Variants in HMCN2 observed in about 807,000 individuals in gnomAD.
HMCN2 encodes hemicentin 2, also known as hemicentin-2.
In HMCN2, 325 loss-of-function variants were observed where a neutral mutation model predicts 377.5. The observed-to-expected ratio is 0.86, with a 90% confidence interval of 0.79 to 0.94. The LOEUF (loss-of-function observed/expected upper bound fraction) is 0.94, where lower values mean the gene tolerates loss of function less well. HMCN2 is among the 40% of genes least tolerant of loss of function. HMCN2 has a pLI of 0.00. For synonymous variants in HMCN2, 2,007 were observed against 2,046.8 expected, an observed-to-expected ratio of 0.98 and a Z score of 0.53; for missense variants, 4,543 against 4,725.3, an observed-to-expected ratio of 0.96 and a Z score of 1.13.
chr9:130,393,693 G>T lies in HMCN2; in HGVS notation c.10235-49G>T. The T allele has an allele frequency of 1.7e-6, 2 of 1,204,044 alleles. No individual in the cohort carries two copies. The highest frequency in any genetic ancestry group is 2.1e-6 in the Non-Finnish European group (2 of 948,192). The allele number at this position is 1,204,044 out of a possible 1,614,324, so 74.6% of individuals were successfully genotyped here. On this transcript the variant is annotated intron_variant, in intron 67 of 97. Coordinates refer to ENST00000683500, the MANE Select transcript of HMCN2 (RefSeq NM_001291815.2). The surrounding 1 kb of genome is among the most constrained non-coding windows in gnomAD (Gnocchi z 5.2). ...GATGTCTAAGCTGAGTACTGGAGAT[G>T]AGAGTCCTGGAATAAAATGGTTCCT...
Position 130,433,670 on chromosome 9 carries a change from G to T in HMCN2, c.15217G>T (p.Ala5073Ser). Reference protein sequence around the residue: ...RHQSVFVLLIAVSPYPY With the variant: ...RHQSVFVLLISVSPYPY ...CCAAAGCGTCTTCGTCTTGCTCATCGCCGTGTCCCCCTACCCCTACTAAAC... is the reference window on the plus strand; with the variant it reads ...CCAAAGCGTCTTCGTCTTGCTCATCTCCGTGTCCCCCTACCCCTACTAAAC... Residue 5073 changes from alanine to serine, a missense_variant, in exon 98 of 98, where the codon GCC becomes TCC. Ala to Ser is a moderately conservative substitution (Grantham distance 99). Transcript: ENST00000683500. 6.6e-7 allele frequency: 1 copy of T among 1,508,194 alleles called. No homozygotes were observed. Among genetic ancestry groups the T allele is most frequent in the Non-Finnish European group, 8.8e-7 (1 of 1,130,204 alleles). 93.4% of individuals were successfully genotyped at this position (1,508,194 alleles called of 1,614,324 possible). A position where few individuals can be genotyped will look rare whatever the true frequency, so the allele number is the denominator to read the frequency against.
intron 23 of HMCN2, among the ~76,000 whole-genome samples, chr9:130,338,986 C>G (rs902538615): frequency 6.6e-6 from 1 of 152,100 alleles, no homozygotes; most frequent in African/African-American, 2.4e-5. Context: ...CCCAGAAGTT[C>G]GAGACCAGCC....
At position 130,394,939 on chromosome 9, in the gene HMCN2, TG is replaced by T; in HGVS notation, c.10693-85del. ...ACCTCGCAGGGCTGAGTTTGAATCC[TG>T]GGTCCCTCGATGCATGAGAAAGAAA... On this transcript the variant is annotated intron_variant, in intron 69 of 97. Coordinates refer to ENST00000683500, the MANE Select transcript of HMCN2 (RefSeq NM_001291815.2). This position sits in a 1 kb window ranked among gnomAD's most constrained non-coding sequence, Gnocchi z 5.1. 1.2e-6 allele frequency: 1 copy of T among 856,312 alleles called. No homozygotes were observed. The highest frequency in any genetic ancestry group is 1.6e-6 in the Non-Finnish European group (1 of 621,206). The allele number at this position is 856,312 out of a possible 1,614,324, so 53.0% of individuals were successfully genotyped here.
chr9:130,397,583 G>A lies in HMCN2; in HGVS notation c.11254G>A (p.Ala3752Thr), dbSNP rs1047400958. 33 of 1,289,690 alleles carry A rather than the reference G, an allele frequency of 2.6e-5. No individual in the cohort carries two copies. Among genetic ancestry groups the A allele is most frequent in the African/African-American group, 7.6e-5 (5 of 65,856 alleles). 79.9% of individuals were successfully genotyped at this position (1,289,690 alleles called of 1,614,324 possible). A position where few individuals can be genotyped will look rare whatever the true frequency, so the allele number is the denominator to read the frequency against. The change falls in exon 74 of 98, where the codon GCC becomes ACC. Residue 3752 changes from alanine to threonine, a missense_variant. Transcript: ENST00000683500. ...LRIQPVLAQDAGHYLCLASNS... is the reference protein window; with the variant it reads ...LRIQPVLAQDTGHYLCLASNS... ...AATCCAGCCAGTCCTTGCCCAGGAC[G>A]CCGGCCACTACCTCTGCCTGGCATC... is the stretch of plus-strand genomic sequence containing the variant.
intron 45 of HMCN2, among the ~76,000 whole-genome samples, chr9:130,370,508 C>T (rs1840958551): frequency 6.6e-6 from 1 of 152,188 alleles, no homozygotes; most frequent in Admixed American, 6.5e-5. Context: ...CCAGATATCC[C>T]CAACACCCCC....
rs1209525537 is a variant in HMCN2 at position 130,303,082 on chromosome 9, G to A, written c.1421+81G>A. The A allele has an allele frequency of 2.7e-6, 1 of 371,598 alleles. No homozygotes were observed. Among genetic ancestry groups the A allele is most frequent in the African/African-American group, 2.1e-5 (1 of 47,540 alleles). The allele number at this position is 371,598 out of a possible 1,614,324, so 23.0% of individuals were successfully genotyped here. On this transcript the variant is annotated intron_variant, in intron 9 of 97. Coordinates refer to ENST00000683500, the MANE Select transcript of HMCN2 (RefSeq NM_001291815.2). This position sits in a 1 kb window ranked among gnomAD's most constrained non-coding sequence, Gnocchi z 5.2. ...GCCCTGGAGGGATCTCAGGGGAGTG[G>A]GTGGCAGGAGAGAGACCTTGGTCTC...
Position 130,330,611 on chromosome 9 carries a change from A to G in HMCN2, c.3359+3136A>G, listed in dbSNP as rs1009093644. On this transcript the variant is annotated intron_variant, in intron 22 of 97. Coordinates refer to ENST00000683500, the MANE Select transcript of HMCN2 (RefSeq NM_001291815.2). ...CTCCTAGGTATCTTCGACCCCCCCAAGTCAGCAAGTGCTCACAGAGGAAGC... is the reference window on the plus strand; with the variant it reads ...CTCCTAGGTATCTTCGACCCCCCCAGGTCAGCAAGTGCTCACAGAGGAAGC... Among the ~76,000 whole-genome samples the G allele has an allele frequency of 6.7e-4, 102 of 152,156 alleles. 1 individual carries two copies. Among genetic ancestry groups the G allele is most frequent in the African/African-American group, 2.2e-3 (91 of 41,512 alleles).
In HMCN2 at chr9:130,422,644, A is replaced by G. The variant is rs1844084968; in HGVS notation, c.13299A>G (p.Thr4433=). 3.8e-6 allele frequency: 5 copies of G among 1,328,028 alleles called. No homozygotes were observed. The South Asian group carries it at 6.6e-5, about 18-fold the overall frequency. 82.3% of individuals were successfully genotyped at this position (1,328,028 alleles called of 1,614,324 possible). Residue 4433 remains threonine (T), a synonymous_variant, in exon 87 of 98, where the codon ACA becomes ACG. Coordinates refer to ENST00000683500, the MANE Select transcript of HMCN2 (RefSeq NM_001291815.2). This position sits in a 1 kb window ranked among gnomAD's most constrained non-coding sequence, Gnocchi z 4.2. ...VINGRKFGVA[T]LNTSVMQEAH... ...ATGGCCGGAAATTTGGCGTGGCCAC[A>G]CTCAACACCAGCGTGATGCAGGAGG...
At chr9:130,397,489 T>A in intron 73 of HMCN2, 39 bp from the exon 74 acceptor site, 1 of 1,287,424 alleles carries the variant, frequency 7.8e-7, no homozygotes, top group Non-Finnish European at 1.0e-6. Flanking sequence ...CAGACCCCAC[T>A]GGCTTGCTCA....
chr9:130,392,804 G>C (rs553938588), intron 66 of HMCN2, among the ~76,000 whole-genome samples: 1 of 152,066 alleles, frequency 6.6e-6, no homozygotes, highest in Admixed American at 6.6e-5. Flanking sequence ...AGACCATCCT[G>C]GCTAACACGG....
Position 130,303,997 on chromosome 9 carries a change from A to G in HMCN2, c.1543+389A>G, listed in dbSNP as rs1350633749. ...TTGGATACACCACAGACTGTCTCCA[A>G]ATGAAATTGGCTTTATTTGAAAAAT... On this transcript the variant is annotated intron_variant, in intron 10 of 97. Coordinates refer to ENST00000683500, the MANE Select transcript of HMCN2 (RefSeq NM_001291815.2). The surrounding 1 kb of genome is among the most constrained non-coding windows in gnomAD (Gnocchi z 5.2). Among the ~76,000 whole-genome samples the G allele has an allele frequency of 2.0e-5, 3 of 152,208 alleles. No individual in the cohort carries two copies. Among genetic ancestry groups the G allele is most frequent in the African/African-American group, 4.8e-5 (2 of 41,460 alleles).
chr9:130,411,690 T>C (rs924738742), intron 85 of HMCN2, among the ~76,000 whole-genome samples: 2 of 150,274 alleles, frequency 1.3e-5, no homozygotes, highest in African/African-American at 4.9e-5. Flanking sequence ...TTATGCGAAG[T>C]GGAAAAAGCC....
rs1840470888 is a variant in HMCN2, at chr9:130,363,049, G to A, written c.6232+59G>A. On this transcript the variant is annotated intron_variant, in intron 40 of 97. Coordinates refer to ENST00000683500, the MANE Select transcript of HMCN2 (RefSeq NM_001291815.2). The stretch of plus-strand genomic sequence containing the variant: ...GAGCAGCGGGGGAGATGGGGTGGGG[G>A]GCATTCCCAGTCACTTCCAAAAGGA... 1.2e-5 allele frequency: 12 copies of A among 984,612 alleles called. No individual in the cohort carries two copies. The South Asian group carries it at 1.4e-4, about 12-fold the overall frequency. 61.0% of individuals were successfully genotyped at this position (984,612 alleles called of 1,614,324 possible). A position where few individuals can be genotyped will look rare whatever the true frequency, so the allele number is the denominator to read the frequency against.
chr9:130,328,464 T>C (rs1838262458), intron 22 of HMCN2, among the ~76,000 whole-genome samples: 1 of 152,188 alleles, frequency 6.6e-6, no homozygotes, highest in East Asian at 1.9e-4. Flanking sequence ...AGTTCACCCC[T>C]CCTCGCCGTG....
At chr9:130,432,078 G>A (rs1245147826) in intron 96 of HMCN2, among the ~76,000 whole-genome samples, 2 of 152,226 alleles carry the variant, frequency 1.3e-5, no homozygotes, top group African/African-American at 4.8e-5. Flanking sequence ...TTCCACTGAG[G>A]AAGACAGGAT....
At chr9:130,307,914 T>C (rs1328259044) in intron 14 of HMCN2, among the ~76,000 whole-genome samples, 1 of 152,206 alleles carries the variant, frequency 6.6e-6, no homozygotes, top group African/African-American at 2.4e-5. Flanking sequence ...TTAAATGAGT[T>C]CCTATGCACA....
At chr9:130,359,291 A>T in intron 36 of HMCN2, 28 bp from the exon 37 acceptor site, 4 of 1,252,302 alleles carry the variant, frequency 3.2e-6, no homozygotes, top group Non-Finnish European at 4.2e-6. Flanking sequence ...GCACCTACCA[A>T]GCTGGGTCTC....
chr9:130,385,722 C>A lies in HMCN2; in HGVS notation c.9269C>A (p.Ala3090Asp), dbSNP rs774303161. 33 of 1,304,040 alleles carry A rather than the reference C, an allele frequency of 2.5e-5. 1 individual carries two copies. Among genetic ancestry groups the A allele is most frequent in the Middle Eastern group, 2.1e-4 (1 of 4,716 alleles). 80.8% of individuals were successfully genotyped at this position (1,304,040 alleles called of 1,614,324 possible). ...CTGGTCCTGGCACAGCGGACCCAGGCTCTGCGGGGTGGGCAGAGGCTGGAG... is the reference window on the plus strand; with the variant it reads ...CTGGTCCTGGCACAGCGGACCCAGGATCTGCGGGGTGGGCAGAGGCTGGAG... ...QPLVLAQRTQALRGGQRLEIQ... is the reference protein window; with the variant it reads ...QPLVLAQRTQDLRGGQRLEIQ... Residue 3090 changes from alanine to aspartate, a missense_variant, in exon 60 of 98, where the codon GCT becomes GAT. Ala to Asp is a moderately radical substitution (Grantham distance 126, BLOSUM62 -2). This residue lies in a region of HMCN2 where 736 missense variants were observed against 773.2 expected (regional missense o/e 0.95). Transcript: ENST00000683500.
intron 11 of HMCN2, among the ~76,000 whole-genome samples, chr9:130,305,401 G>T (rs536517207): frequency 2.6e-5 from 4 of 152,196 alleles, no homozygotes; most frequent in Non-Finnish European, 5.9e-5. Flanking sequence ...AGATCGGGCA[G>T]CACTGACTAG....
Sources: allele counts gnomAD v4.1 joint callset (sites outside exome capture counted in the v4.1 genomes callset), GRCh38; gene constraint gnomAD v4.1.1; regional missense constraint gnomAD v4.1.1; non-coding constraint Gnocchi (gnomAD v3.1); transcripts MANE v1.5; gene names NCBI Gene and HGNC (gene_info 2026-07-23, HGNC 2026-07-21).